Variants in NCOA7 observed in about 807,000 individuals in gnomAD.
NCOA7 encodes 140 kDa estrogen receptor-associated protein.
NCOA7 carries 45 observed loss-of-function variants against 104.3 expected under a neutral mutation model. That is an observed-to-expected ratio of 0.43 (90% CI 0.34 to 0.55). NCOA7 has a LOEUF of 0.55. NCOA7 is among the 20% of genes least tolerant of loss of function. The pLI, the probability that NCOA7 is intolerant of heterozygous loss-of-function variation, is 0.02. For missense variants in NCOA7, 1,041 were observed against 1,119.7 expected, an observed-to-expected ratio of 0.93 and a Z score of 1.00; for synonymous variants, 398 against 402.3, an observed-to-expected ratio of 0.99 and a Z score of 0.13.
chr6:125,902,421 T>A (rs1008239057), intron 10 of NCOA7, among the ~76,000 whole-genome samples: 8 of 152,062 alleles, frequency 5.3e-5, no homozygotes, highest in African/African-American at 1.9e-4. Context: ...CGGAACCAAC[T>A]TGGGAATTCA....
chr6:125,824,212 A>G (rs1326717710), intron 2 of NCOA7, among the ~76,000 whole-genome samples: 1 of 152,228 alleles, frequency 6.6e-6, no homozygotes, highest in African/African-American at 2.4e-5. Flanking sequence ...ATTTCAACGA[A>G]TAATCACAAG....
chr6:125,797,804 A>T (rs1415354296), intron 1 of NCOA7: 1 of 152,212 alleles, frequency 6.6e-6, no homozygotes, highest in Admixed American at 6.5e-5. Context: ...GATTTCCCCC[A>T]GGGTTCTGCC....
rs531116171 is a variant in NCOA7 at position 125,931,130 on chromosome 6, C to A, written c.*2359C>A. 6.5e-6 allele frequency: 1 copy of A among 152,746 alleles called. No individual in the cohort carries two copies. The highest frequency in any genetic ancestry group is 2.1e-4 in the South Asian group (1 of 4,822). 9.5% of individuals were successfully genotyped at this position (152,746 alleles called of 1,614,324 possible). On this transcript the variant is annotated 3_prime_UTR_variant, in exon 16 of 16. Transcript: ENST00000392477. ...TCAGTGATTTTCTTTCCCAAAGATT[C>A]ATTCATCAGGTATTTACTGGGTACC...
At chr6:125,831,591 T>C (rs1396137033) in intron 2 of NCOA7, among the ~76,000 whole-genome samples, 1 of 152,094 alleles carries the variant, frequency 6.6e-6, no homozygotes, top group African/African-American at 2.4e-5. Flanking sequence ...AGAGACTTCA[T>C]CCTGGATTTC....
chr6:125,831,313 T>C (rs1235185014), intron 2 of NCOA7, among the ~76,000 whole-genome samples: 1 of 152,234 alleles, frequency 6.6e-6, no homozygotes, highest in Admixed American at 6.5e-5. Flanking sequence ...TATGTTCATT[T>C]AGAGTCACTC....
chr6:125,783,673 C>T (rs1335888703), intron 1 of NCOA7, among the ~76,000 whole-genome samples: 1 of 152,214 alleles, frequency 6.6e-6, no homozygotes, highest in Non-Finnish European at 1.5e-5. Flanking sequence ...TGTCCCTATA[C>T]ATTTTTGAGC....
intron 10 of NCOA7, among the ~76,000 whole-genome samples, chr6:125,910,723 G>A (rs1026732951): frequency 9.2e-5 from 14 of 152,292 alleles, no homozygotes; most frequent in African/African-American, 2.4e-4. Context: ...CTGTGGCTTC[G>A]CCTGTACACA....
At position 125,929,970 on chromosome 6, in the gene NCOA7, A is replaced by C. The variant is rs1339619837; in HGVS notation, c.*1199A>C. ...TGATTCATTTATTTGAGAAAAAAAC[A>C]ATACAAAGAAATGCATTCATATCAA... On this transcript the variant is annotated 3_prime_UTR_variant, in exon 16 of 16. Coordinates refer to ENST00000392477, the MANE Select transcript of NCOA7 (RefSeq NM_181782.5). 6.6e-6 allele frequency: 1 copy of C among 152,234 alleles called. No homozygotes were observed. Among genetic ancestry groups the C allele is most frequent in the Non-Finnish European group, 1.5e-5 (1 of 68,044 alleles). 9.4% of individuals were successfully genotyped at this position (152,234 alleles called of 1,614,324 possible).
chr6:125,911,744 G>A (rs1330047307), intron 10 of NCOA7, among the ~76,000 whole-genome samples: 2 of 152,156 alleles, frequency 1.3e-5, no homozygotes, highest in Admixed American at 6.5e-5. Flanking sequence ...GACTCTGGTC[G>A]GTCTTCGTTC....
At chr6:125,805,956 A>G (rs1215589604) in intron 1 of NCOA7, among the ~76,000 whole-genome samples, 1 of 152,180 alleles carries the variant, frequency 6.6e-6, no homozygotes, top group Non-Finnish European at 1.5e-5. Flanking sequence ...AGATAAAGAA[A>G]CTGAAAGTTA....
chr6:125,888,320 C>T (rs1487822425), intron 8 of NCOA7, among the ~76,000 whole-genome samples: 1 of 152,132 alleles, frequency 6.6e-6, no homozygotes, highest in Non-Finnish European at 1.5e-5. Flanking sequence ...CTGCCGTATA[C>T]CCACAATAAT....
intron 3 of NCOA7, among the ~76,000 whole-genome samples, chr6:125,872,173 C>T (rs1782983380): frequency 6.6e-6 from 1 of 152,078 alleles, no homozygotes; most frequent in Non-Finnish European, 1.5e-5. Flanking sequence ...AGCCTACCCA[C>T]CTGTGGCAAA....
intron 3 of NCOA7, among the ~76,000 whole-genome samples, chr6:125,863,466 C>G (rs1200370250): frequency 7.2e-6 from 1 of 137,976 alleles, no homozygotes; most frequent in African/African-American, 3.0e-5. Flanking sequence ...TTGTTATATT[C>G]ACTTGCATTA....
chr6:125,786,076 T>G (rs899427835), upstream of NCOA7: 1 of 152,196 alleles, frequency 6.6e-6, no homozygotes, highest in Non-Finnish European at 1.5e-5. Flanking sequence ...GACCCCAGTT[T>G]GTGAAAATGA....
At chr6:125,870,105 A>C (rs184787657) in intron 3 of NCOA7, among the ~76,000 whole-genome samples, 1 of 152,068 alleles carries the variant, frequency 6.6e-6, no homozygotes, top group South Asian at 2.1e-4. Flanking sequence ...CTTACTTCTT[A>C]TGTGGCCTGT....
At chr6:125,852,273 A>G (rs575567383) in intron 2 of NCOA7, among the ~76,000 whole-genome samples, 1 of 151,940 alleles carries the variant, frequency 6.6e-6, no homozygotes, top group Non-Finnish European at 1.5e-5. Context: ...TCAGCTCACT[A>G]CAACCTCCGC....
Position 125,784,987 on chromosome 6 carries a change from A to AACACAC in NCOA7, c.-141-1122_-141-1117dup, listed in dbSNP as rs3084325. 1.8e-3 allele frequency among the ~76,000 whole-genome samples: 272 copies of AACACAC among 148,406 alleles called. 1 individual carries two copies. Among genetic ancestry groups the AACACAC allele is most frequent in the African/African-American group, 6.2e-3 (249 of 40,286 alleles). ...ACAAGATATGATAATGTTGCATATAAACACACACACACACACACACACACA... is the reference window on the plus strand; with the variant it reads ...ACAAGATATGATAATGTTGCATATAAACACACACACACACACACACACACACACACA... On this transcript the variant is annotated intron_variant, in intron 1 of 16. Transcript: ENST00000368357.
At position 125,848,918 on chromosome 6, in the gene NCOA7, C is replaced by G. The variant is rs573330130; in HGVS notation, c.51-6102C>G. 4.6e-5 allele frequency among the ~76,000 whole-genome samples: 7 copies of G among 152,252 alleles called. No individual in the cohort carries two copies. In the South Asian group the frequency reaches 1.5e-3, roughly 32 times the overall value. On this transcript the variant is annotated intron_variant, in intron 2 of 15. Coordinates refer to ENST00000392477, the MANE Select transcript of NCOA7 (RefSeq NM_181782.5). ...CTAATCAGAGAAAGCTGTGAAATGG[C>G]TGTTTGTAGAAGAGCACATCTCAAC...
chr6:125,843,645 A>G (rs1174938655), intron 2 of NCOA7, among the ~76,000 whole-genome samples: 3 of 152,084 alleles, frequency 2.0e-5, no homozygotes, highest in Non-Finnish European at 4.4e-5. Flanking sequence ...CTAATATTTA[A>G]ATATATTTGT....
Sources: gnomAD v4.1 joint callset for allele counts (sites outside exome capture counted in the v4.1 genomes callset) on GRCh38, gnomAD v4.1.1 for gene constraint, MANE v1.5 for transcripts, NCBI Gene and HGNC (gene_info 2026-07-23, HGNC 2026-07-21) for gene names.